Variants in OR2L13 observed in about 807,000 individuals in gnomAD.
The protein encoded by OR2L13 is olfactory receptor 2L13.
OR2L13 carries 14 observed loss-of-function variants against 15.3 expected under a neutral mutation model. The ratio of observed to expected loss-of-function variants is 0.91; its 90% confidence interval spans 0.60 to 1.43. The LOEUF (loss-of-function observed/expected upper bound fraction) is 1.43. Ranked by LOEUF, OR2L13 falls within the 40% of genes most tolerant of loss-of-function variation. The probability of loss-of-function intolerance (pLI) is 0.00; values close to 1 mark genes in which losing one functional copy is unlikely to be tolerated. For synonymous variants in OR2L13, 152 were observed against 142.9 expected (o/e 1.06, Z -0.45); for missense variants, 367 against 387.9 (o/e 0.95, Z 0.45).
At chr1:248,034,803 T>C in the OR2L13 span, among the ~76,000 whole-genome samples, 1 of 152,216 alleles carries the variant, frequency 6.6e-6, no homozygotes, top group African/African-American at 2.4e-5. Context: ...ACTTGAAGCC[T>C]AGGTTCAGAA....
At chr1:247,971,217 T>G in the OR2L13 span, among the ~76,000 whole-genome samples, 1 of 152,210 alleles carries the variant, frequency 6.6e-6, no homozygotes, top group Non-Finnish European at 1.5e-5. Flanking sequence ...TTTTTTACTT[T>G]GCTTTTTTTT....
At chr1:248,006,288 TG>T in the OR2L13 span, among the ~76,000 whole-genome samples, 3 of 133,756 alleles carry the variant, frequency 2.2e-5, no homozygotes, top group African/African-American at 8.7e-5. Context: ...TGTGTGTGTT[TG>T]TGTGCATAAG....
the OR2L13 span, among the ~76,000 whole-genome samples, chr1:248,065,885 C>G: frequency 6.6e-6 from 1 of 152,012 alleles, no homozygotes; most frequent in Non-Finnish European, 1.5e-5. Context: ...GTTATCTCAC[C>G]TGTCTTTTCA....
At chr1:247,944,902 G>T in the OR2L13 span, among the ~76,000 whole-genome samples, 1 of 151,266 alleles carries the variant, frequency 6.6e-6, no homozygotes, top group East Asian at 1.9e-4. Flanking sequence ...CTTTTCTTCT[G>T]TATTTGTCTT....
At chr1:248,088,700 T>C in the OR2L13 span, among the ~76,000 whole-genome samples, 1 of 152,170 alleles carries the variant, frequency 6.6e-6, no homozygotes, top group Non-Finnish European at 1.5e-5. Flanking sequence ...CGGTGTTTAA[T>C]AGTCCTGCTC....
chr1:248,038,241 C>A, the OR2L13 span: 1 of 1,500,032 alleles, frequency 6.7e-7, no homozygotes, highest in Admixed American at 1.7e-5. Context: ...TTTTGTCTCC[C>A]TTCAGGATGG....
At chr1:247,966,566 A>G in the OR2L13 span, among the ~76,000 whole-genome samples, 1 of 152,214 alleles carries the variant, frequency 6.6e-6, no homozygotes, top group African/African-American at 2.4e-5. Context: ...CTACTTAAAC[A>G]TTTAACCTCA....
At chr1:247,955,569 T>C in the OR2L13 span, among the ~76,000 whole-genome samples, 1 of 151,752 alleles carries the variant, frequency 6.6e-6, no homozygotes, top group South Asian at 2.1e-4. Context: ...CCATCAACAG[T>C]GTAAAAGTGT....
At chr1:248,072,187 A>G in the OR2L13 span, among the ~76,000 whole-genome samples, 1 of 152,126 alleles carries the variant, frequency 6.6e-6, no homozygotes, top group Non-Finnish European at 1.5e-5. Context: ...CTAAGCCAAA[A>G]GAACAAAGCT....
chr1:247,961,591 A>G, the OR2L13 span, among the ~76,000 whole-genome samples: 2 of 152,124 alleles, frequency 1.3e-5, no homozygotes, highest in African/African-American at 4.8e-5. Flanking sequence ...ACAAGGAAAT[A>G]TCTCCTAGTA....
chr1:248,011,501 G>T, the OR2L13 span, among the ~76,000 whole-genome samples: 1 of 152,106 alleles, frequency 6.6e-6, no homozygotes, highest in African/African-American at 2.4e-5. Context: ...GGTCTGTCTT[G>T]ATAGGTTGGG....
the OR2L13 span, among the ~76,000 whole-genome samples, chr1:247,961,015 C>G: frequency 2.0e-5 from 3 of 152,146 alleles, no homozygotes; most frequent in South Asian, 2.1e-4. Flanking sequence ...AGAAATTACC[C>G]GTCTTCTGCG....
chr1:247,996,797 T>C, the OR2L13 span, among the ~76,000 whole-genome samples: 22 of 152,222 alleles, frequency 1.4e-4, no homozygotes, highest in Non-Finnish European at 2.6e-4. Context: ...AACAGTTCCC[T>C]GGTTGCACTA....
chr1:247,968,284 G>C, the OR2L13 span, among the ~76,000 whole-genome samples: 1 of 152,038 alleles, frequency 6.6e-6, no homozygotes, highest in Non-Finnish European at 1.5e-5. Context: ...AAGATTAGAA[G>C]AGTTCAATGG....
the OR2L13 span, among the ~76,000 whole-genome samples, chr1:248,088,152 C>T: frequency 5.7e-4 from 86 of 151,962 alleles, no homozygotes; most frequent in African/African-American, 2.0e-3. Context: ...GGTAGCAGAG[C>T]GGAAGAACTT....
the OR2L13 span, among the ~76,000 whole-genome samples, chr1:247,993,762 G>GAGAGAGAGAGGGAGAGAGA: frequency 1.9e-5 from 1 of 53,636 alleles, no homozygotes; most frequent in African/African-American, 8.5e-5. Context: ...AGAGAGAGGG[G>GAGAGAGAGAGGGAGAGAGA]GAGAGAGAGA....
chr1:248,069,166 T>A, the OR2L13 span, among the ~76,000 whole-genome samples: 1 of 151,960 alleles, frequency 6.6e-6, no homozygotes, highest in East Asian at 1.9e-4. Context: ...CCAAGACACA[T>A]AATTGTCAGA....
chr1:247,950,886 G>A, the OR2L13 span, among the ~76,000 whole-genome samples: 120,855 of 151,960 alleles, frequency 0.8, 52,435 homozygotes, highest in South Asian at 0.95. Flanking sequence ...AGAATATATT[G>A]TATATATTAA....
chr1:248,080,111 TTTG>T, the OR2L13 span, among the ~76,000 whole-genome samples: 1 of 152,122 alleles, frequency 6.6e-6, no homozygotes, highest in East Asian at 1.9e-4. Context: ...CTAGATGATC[TTTG>T]TTGTAGTTAC....
Sources: allele counts gnomAD v4.1 joint callset (sites outside exome capture counted in the v4.1 genomes callset), GRCh38; gene constraint gnomAD v4.1.1; transcripts MANE v1.5; gene names NCBI Gene and HGNC (gene_info 2026-07-23, HGNC 2026-07-21).